KALRN: variants seen among roughly 807,000 people sequenced by gnomAD.
The protein encoded by KALRN is kalirin.
KALRN carries 70 observed loss-of-function variants against 353.7 expected under a neutral mutation model. That is an observed-to-expected ratio of 0.20 (90% CI 0.16 to 0.24). KALRN has a LOEUF of 0.24. Among genes scored for constraint, KALRN ranks in the 10% least tolerant of loss-of-function variants. The pLI is 1.00. For synonymous variants in KALRN, 1,391 were observed against 1,434.8 expected, an observed-to-expected ratio of 0.97 and a Z score of 0.69; for missense variants, 2,791 against 3,756.7, an observed-to-expected ratio of 0.74 and a Z score of 6.72.
intron 33 of KALRN, among the ~76,000 whole-genome samples, chr3:124,498,241 C>T (rs1466297730): frequency 6.6e-6 from 1 of 152,224 alleles, no homozygotes; most frequent in African/African-American, 2.4e-5. Flanking sequence ...ACAGTGCTCA[C>T]ATATTCATGT....
chr3:124,447,875 G>A (rs1394287886), intron 21 of KALRN, among the ~76,000 whole-genome samples: 1 of 152,120 alleles, frequency 6.6e-6, no homozygotes, highest in East Asian at 1.9e-4. Context: ...TTTGTCTAAT[G>A]CAAAAAGCTA....
Position 124,645,730 on chromosome 3 carries a change from T to C in KALRN, c.5665-5078T>C, listed in dbSNP as rs144319790. On this transcript the variant is annotated intron_variant, in intron 37 of 59. Transcript: ENST00000682506. ...CATCAATAACACTTAGGGGTTTCCA[T>C]AGCATACTATTGTAAATAATACTGC... Among the ~76,000 whole-genome samples, 3 of 152,140 alleles carry C rather than the reference T, an allele frequency of 2.0e-5. No individual in the cohort carries two copies. In the East Asian group the frequency reaches 5.8e-4, roughly 29 times the overall value.
In KALRN at chr3:124,600,183, T is replaced by C. The variant is rs140563199; in HGVS notation, c.5183-32237T>C. Among the ~76,000 whole-genome samples, 133 of 152,352 alleles carry C rather than the reference T, an allele frequency of 8.7e-4. 2 individuals are homozygous for C. Among genetic ancestry groups the C allele is most frequent in the Admixed American group, 5.0e-3 (77 of 15,304 alleles). On this transcript the variant is annotated intron_variant, in intron 34 of 59. Coordinates refer to ENST00000682506, the MANE Select transcript of KALRN (RefSeq NM_001388419.1). Reference sequence around the variant, plus strand: ...GTTATCCCAAGGGACTGTTGGAGTTTATTGTAGCATGGCTGGGTCCCTTGG... The same window carrying C: ...GTTATCCCAAGGGACTGTTGGAGTTCATTGTAGCATGGCTGGGTCCCTTGG...
rs74778206 is a variant in KALRN at position 124,371,160 on chromosome 3, C to A, written c.1771-13685C>A. On this transcript the variant is annotated intron_variant, in intron 10 of 59. Transcript: ENST00000682506. ...ACTGATGTCTTATCCTTCTTAGTAC[C>A]TCAAACTACTTCCTGTTCAGGTATG... Among the ~76,000 whole-genome samples, 1,741 of 152,198 alleles carry A rather than the reference C, an allele frequency of 0.011. 64 individuals carry two copies. The East Asian group carries it at 0.13, about 11-fold the overall frequency.
chr3:124,434,602 A>G lies in KALRN; in HGVS notation c.3048+77A>G, dbSNP rs918705222. ...TTTCTGCCTTGCAGTGTAAATGTGC[A>G]GTGCTTATGTCAGCGAGAAGCCTGT... On this transcript the variant is annotated intron_variant, in intron 17 of 59. Coordinates refer to ENST00000682506, the MANE Select transcript of KALRN (RefSeq NM_001388419.1). The G allele has an allele frequency of 7.6e-6, 10 of 1,317,540 alleles. No homozygotes were observed. In the Admixed American group the frequency reaches 1.8e-4, roughly 24 times the overall value. The allele number at this position is 1,317,540 out of a possible 1,614,324, so 81.6% of individuals were successfully genotyped here. A position where few individuals can be genotyped will look rare whatever the true frequency, so the allele number is the denominator to read the frequency against.
chr3:124,484,648 C>T (rs1242277855), intron 28 of KALRN, among the ~76,000 whole-genome samples: 2 of 152,152 alleles, frequency 1.3e-5, no homozygotes, highest in Admixed American at 6.5e-5. Context: ...AATGGGTATA[C>T]GTTCTATCTT....
intron 1 of KALRN, among the ~76,000 whole-genome samples, chr3:124,122,203 G>C (rs2064108370): frequency 6.6e-6 from 1 of 152,166 alleles, no homozygotes; most frequent in Non-Finnish European, 1.5e-5. Flanking sequence ...AGTGGAGCTG[G>C]ATATACCAGT....
intron 1 of KALRN, among the ~76,000 whole-genome samples, chr3:124,081,159 T>C (rs1453140534): frequency 2.0e-5 from 3 of 152,260 alleles, no homozygotes; most frequent in Admixed American, 1.3e-4. Context: ...TCCTGTCTAC[T>C]GTAGCGGGAC....
chr3:124,310,316 A>G (rs1032812842), intron 6 of KALRN, among the ~76,000 whole-genome samples: 1 of 152,204 alleles, frequency 6.6e-6, no homozygotes, highest in Non-Finnish European at 1.5e-5. Context: ...AAGACTTAAT[A>G]TTGTTAGGAT....
chr3:124,474,807 A>G, intron 26 of KALRN, 75 bp downstream of exon 26: 2 of 1,101,272 alleles, frequency 1.8e-6, no homozygotes, highest in Non-Finnish European at 1.4e-6. Flanking sequence ...TAAGGACTGG[A>G]GTCATTGCCA....
intron 51 of KALRN, among the ~76,000 whole-genome samples, chr3:124,685,785 G>T (rs3755699): frequency 0.12 from 18,965 of 152,114 alleles, 1,288 homozygotes; most frequent in African/African-American, 0.17. Flanking sequence ...CACTCAGCAC[G>T]CCCTGTCATG....
At chr3:124,677,505 G>C (rs2087318198) in intron 49 of KALRN, 1 of 445,482 alleles carries the variant, frequency 2.2e-6, no homozygotes, top group African/African-American at 2.0e-5. Flanking sequence ...TGTCCCAATA[G>C]GGAAGCTCTA....
intron 1 of KALRN, among the ~76,000 whole-genome samples, chr3:124,180,177 C>T (rs2073377020): frequency 6.6e-6 from 1 of 152,166 alleles, no homozygotes; most frequent in Non-Finnish European, 1.5e-5. Context: ...TTTGCCCTTC[C>T]CCACTGGGGC....
chr3:124,039,581 C>G (rs932162161), intron 1 of KALRN, among the ~76,000 whole-genome samples: 2 of 151,982 alleles, frequency 1.3e-5, no homozygotes, highest in African/African-American at 4.8e-5. Context: ...AAATAATAAC[C>G]CCATCACATC....
intron 18 of KALRN, among the ~76,000 whole-genome samples, chr3:124,440,924 C>G (rs1463593178): frequency 6.6e-6 from 1 of 151,620 alleles, no homozygotes; most frequent in Non-Finnish European, 1.5e-5. Context: ...TGGCTCCTGC[C>G]CTTTCTGGGC....
chr3:124,650,700 C>T, intron 37 of KALRN, 108 bp from the exon 38 acceptor site: 2 of 1,153,638 alleles, frequency 1.7e-6, no homozygotes, highest in Non-Finnish European at 2.5e-6. Context: ...TGAGAACAGC[C>T]TTGGCTACTG....
intron 1 of KALRN, among the ~76,000 whole-genome samples, chr3:124,126,603 G>A (rs2064703250): frequency 6.6e-6 from 1 of 152,182 alleles, no homozygotes; most frequent in Non-Finnish European, 1.5e-5. Flanking sequence ...GGGGCACAAG[G>A]CCAGATTCTC....
At chr3:124,216,798 C>T (rs1245358609) in intron 1 of KALRN, among the ~76,000 whole-genome samples, 7 of 152,146 alleles carry the variant, frequency 4.6e-5, no homozygotes, top group Non-Finnish European at 4.4e-5. Flanking sequence ...TATGCTGGGC[C>T]CTGGTTATGC....
At chr3:124,584,724 C>T in intron 34 of KALRN, 1 of 1,493,990 alleles carries the variant, frequency 6.7e-7, no homozygotes, top group Non-Finnish European at 8.9e-7. Flanking sequence ...GGGCGGGAGC[C>T]GGCTCTCGGG....
Sources: allele counts gnomAD v4.1 joint callset (sites outside exome capture counted in the v4.1 genomes callset), GRCh38; gene constraint gnomAD v4.1.1; transcripts MANE v1.5; gene names NCBI Gene and HGNC (gene_info 2026-07-23, HGNC 2026-07-21).